GALNT2: variants seen among roughly 807,000 people sequenced by gnomAD.
The protein encoded by GALNT2 is polypeptide N-acetylgalactosaminyltransferase 2, also known as UDP-GalNAc:polypeptide N-acetylgalactosaminyltransferase 2.
GALNT2 carries 31 observed loss-of-function variants against 81.4 expected under a neutral mutation model. The observed-to-expected ratio is 0.38, with a 90% CI of 0.29 to 0.51. The LOEUF (loss-of-function observed/expected upper bound fraction) is 0.51, where lower values mean the gene tolerates loss of function less well. GALNT2 is among the 20% of genes least tolerant of loss of function. GALNT2 has a pLI of 0.87. For missense variants in GALNT2, 629 were observed against 765.7 expected (o/e 0.82, Z 2.11); for synonymous variants, 303 against 287.4 (o/e 1.05, Z -0.55).
chr1:230,159,298 A>G (rs971023350), intron 1 of GALNT2, among the ~76,000 whole-genome samples: 2 of 152,184 alleles, frequency 1.3e-5, no homozygotes, highest in Non-Finnish European at 2.9e-5. Flanking sequence ...TCATCTTTGC[A>G]CACGAAGGCA....
chr1:230,156,087 AAGAG>A (rs531829406), intron 1 of GALNT2, among the ~76,000 whole-genome samples: 2 of 151,894 alleles, frequency 1.3e-5, no homozygotes, highest in East Asian at 1.9e-4. Flanking sequence ...TGGGGAAGAG[AAGAG>A]AGAGTCATTG....
intron 13 of GALNT2, 132 bp downstream of exon 13, chr1:230,263,137 G>A (rs1306801128): frequency 7.0e-6 from 5 of 712,428 alleles, no homozygotes; most frequent in Non-Finnish European, 9.6e-6. Flanking sequence ...GTGAGAGCCT[G>A]TGGTCTCACT....
intron 3 of GALNT2, among the ~76,000 whole-genome samples, chr1:230,204,780 A>G (rs1664010086): frequency 6.6e-6 from 1 of 152,196 alleles, no homozygotes; most frequent in African/African-American, 2.4e-5. Context: ...TCATTCATTC[A>G]TCAGTGAATG....
At chr1:230,246,258 G>A (rs934897806) in intron 8 of GALNT2, 108 bp downstream of exon 8, 20 of 869,498 alleles carry the variant, frequency 2.3e-5, no homozygotes, top group Admixed American at 7.6e-5. Context: ...TGTTCACGCC[G>A]TAGTGTGTGT....
intron 3 of GALNT2, among the ~76,000 whole-genome samples, chr1:230,207,950 A>G (rs1036589843): frequency 5.3e-5 from 8 of 152,140 alleles, no homozygotes; most frequent in Non-Finnish European, 5.9e-5. Flanking sequence ...GTTGTTATCT[A>G]TCTTGGCGGT....
chr1:230,173,857 C>T (rs1662872432), intron 1 of GALNT2, among the ~76,000 whole-genome samples: 1 of 151,898 alleles, frequency 6.6e-6, no homozygotes, highest in Non-Finnish European at 1.5e-5. Context: ...ACTTCCACTG[C>T]AGAGTAGGCG....
At chr1:230,255,755 G>C (rs1023028945) in intron 11 of GALNT2, among the ~76,000 whole-genome samples, 3 of 152,166 alleles carry the variant, frequency 2.0e-5, no homozygotes, top group African/African-American at 7.2e-5. Context: ...ATCTTCATGA[G>C]TGTGAAGGCT....
intron 6 of GALNT2, 101 bp downstream of exon 6, chr1:230,236,826 CT>C (rs756919810): frequency 5.0e-6 from 6 of 1,198,646 alleles, no homozygotes; most frequent in Non-Finnish European, 7.0e-6. Flanking sequence ...AATTGTCTAG[CT>C]TTTTTCTGTC....
Position 230,058,253 on chromosome 1 carries a change from G to A in GALNT2, n.89+175G>A, listed in dbSNP as rs150632759. On this transcript the variant is annotated intron_variant and non_coding_transcript_variant, in intron 1 of 6. Coordinates refer to the GALNT2 transcript ENST00000494106. ...GGCTGGTGAAGCATCAGCAGAGGCCGTAGTGCTATGAGTGCTGGCTGGCGG... is the reference window on the plus strand; with the variant it reads ...GGCTGGTGAAGCATCAGCAGAGGCCATAGTGCTATGAGTGCTGGCTGGCGG... Among the ~76,000 whole-genome samples, 397 of 152,312 alleles carry A rather than the reference G, an allele frequency of 2.6e-3. 2 individuals carry two copies. The highest frequency in any genetic ancestry group is 8.6e-3 in the African/African-American group (356 of 41,580).
At chr1:230,249,544 C>A (rs1388123174) in intron 9 of GALNT2, among the ~76,000 whole-genome samples, 1 of 152,252 alleles carries the variant, frequency 6.6e-6, no homozygotes, top group Non-Finnish European at 1.5e-5. Context: ...TAGAGCGTTT[C>A]TGTAGCAGAG....
At position 230,255,279 on chromosome 1, in the gene GALNT2, G is replaced by A. The variant is rs763395060; in HGVS notation, c.1071G>A (p.Val357=). 1.9e-6 allele frequency: 3 copies of A among 1,614,082 alleles called. No homozygotes were observed. Among genetic ancestry groups the A allele is most frequent in the Non-Finnish European group, 2.5e-6 (3 of 1,180,036 alleles). ...GSLEIIPCSR[V]GHVFRKQHPY... ...TGGAGATCATCCCGTGCAGCCGTGT[G>A]GGACACGTGTTCCGGAAGCAGCACC... The change falls in exon 11 of 16, where the codon GTG becomes GTA. Residue 357 remains valine (V), a synonymous_variant. Transcript: ENST00000366672.
At chr1:230,253,703 C>T (rs1665619788) in intron 10 of GALNT2, among the ~76,000 whole-genome samples, 1 of 152,056 alleles carries the variant, frequency 6.6e-6, no homozygotes, top group South Asian at 2.1e-4. Context: ...CAGTATCCTC[C>T]TCCTGGTTAT....
At chr1:230,246,027 G>A (rs1354350927) in intron 7 of GALNT2, 36 bp from the exon 8 acceptor site, 4 of 1,571,536 alleles carry the variant, frequency 2.5e-6, no homozygotes, top group Non-Finnish European at 3.5e-6. Flanking sequence ...TTGTTTTGCT[G>A]GGATTTTGAT....
At chr1:230,236,211 G>T in intron 4 of GALNT2, 99 bp downstream of exon 4, 1 of 1,359,742 alleles carries the variant, frequency 7.4e-7, no homozygotes, top group Non-Finnish European at 1.0e-6. Context: ...TGCAGACAGG[G>T]TCTCCTGACT....
chr1:230,265,228 CGTT>C lies in GALNT2; in HGVS notation c.1314-9_1314-7del. On this transcript the variant is annotated splice_polypyrimidine_tract_variant and intron_variant, in intron 13 of 15. Coordinates refer to ENST00000366672, the MANE Select transcript of GALNT2 (RefSeq NM_004481.5). Reference sequence around the variant, plus strand: ...TGTGCAGTGAAGCAGGTGATTCTCACGTTGTTTTTCAGGGTTCCAGACCATCAG... The same window carrying C: ...TGTGCAGTGAAGCAGGTGATTCTCACGTTTTTCAGGGTTCCAGACCATCAG... The C allele has an allele frequency of 6.2e-7, 1 of 1,614,120 alleles. No individual in the cohort carries two copies. Among genetic ancestry groups the C allele is most frequent in the Admixed American group, 1.7e-5 (1 of 60,010 alleles).
chr1:230,115,236 C>G (rs960480365), intron 1 of GALNT2, among the ~76,000 whole-genome samples: 4 of 152,098 alleles, frequency 2.6e-5, no homozygotes, highest in African/African-American at 4.8e-5. Flanking sequence ...GAACTCCTGA[C>G]CTTGTGATCC....
intron 3 of GALNT2, among the ~76,000 whole-genome samples, chr1:230,205,270 G>T (rs185525612): frequency 1.8e-4 from 27 of 152,282 alleles, no homozygotes; most frequent in Non-Finnish European, 3.5e-4. Context: ...TTTCTTAACA[G>T]CTTTCTTTGG....
rs1040182018 is a variant in GALNT2, at chr1:230,256,685, C to T, written c.1136+1341C>T. On this transcript the variant is annotated intron_variant, in intron 11 of 15. Transcript: ENST00000366672. ...TTCCGAAAGTAAAATAGCAAATAGC[C>T]GTTCTATCAAGCCAAGTGTCCTTCT... 3.3e-5 allele frequency among the ~76,000 whole-genome samples: 5 copies of T among 152,146 alleles called. No individual in the cohort carries two copies. In the East Asian group the frequency reaches 7.7e-4, roughly 24 times the overall value.
intron 13 of GALNT2, 21 bp downstream of exon 13, chr1:230,263,026 G>A: frequency 6.2e-7 from 1 of 1,601,276 alleles, no homozygotes; most frequent in South Asian, 1.1e-5. Context: ...AGGGATCTGG[G>A]GTTTCACTTT....
Sources: allele counts gnomAD v4.1 joint callset (sites outside exome capture counted in the v4.1 genomes callset), GRCh38; gene constraint gnomAD v4.1.1; transcripts MANE v1.5; gene names NCBI Gene and HGNC (gene_info 2026-07-23, HGNC 2026-07-21).